PDE7B: variants seen among roughly 807,000 people sequenced by gnomAD.
PDE7B encodes 3',5'-cyclic-AMP phosphodiesterase 7B.
Under a neutral mutation model 56.2 loss-of-function variants are expected in PDE7B, and 29 were observed. That is an observed-to-expected ratio of 0.52 (90% confidence interval 0.38 to 0.70). The LOEUF (loss-of-function observed/expected upper bound fraction) is 0.70. PDE7B is among the 30% of genes least tolerant of loss of function. The pLI, the probability that PDE7B is intolerant of heterozygous loss-of-function variation, is 0.00. For missense variants in PDE7B, 490 were observed against 565.0 expected (o/e 0.87, Z 1.35); for synonymous variants, 197 against 196.9 (o/e 1.00, Z 0.00).
intron 2 of PDE7B, among the ~76,000 whole-genome samples, chr6:136,099,680 G>A (rs1777529178): frequency 6.6e-6 from 1 of 152,106 alleles, no homozygotes. Flanking sequence ...TTAGCCCTTT[G>A]TTAGATGGAT....
chr6:136,070,477 T>C (rs1375859460), intron 2 of PDE7B: 1 of 152,180 alleles, frequency 6.6e-6, no homozygotes, highest in African/African-American at 2.4e-5. Flanking sequence ...CATTCTCAAA[T>C]AATATTAGCA....
In PDE7B at chr6:136,086,913, C is replaced by T. The variant is rs567922533; in HGVS notation, c.83-21818C>T. Among the ~76,000 whole-genome samples, 102 of 152,314 alleles carry T rather than the reference C, an allele frequency of 6.7e-4. No individual in the cohort carries two copies. The South Asian group carries it at 0.02, about 29-fold the overall frequency. On this transcript the variant is annotated intron_variant, in intron 2 of 12. Transcript: ENST00000308191. ...GCTGTTATTCCCATTGGCACCAGAACGTGCCAATCACCACACAAACTGTGG... is the reference window on the plus strand; with the variant it reads ...GCTGTTATTCCCATTGGCACCAGAATGTGCCAATCACCACACAAACTGTGG...
chr6:136,069,636 T>G (rs976735374), intron 2 of PDE7B, among the ~76,000 whole-genome samples: 2 of 152,242 alleles, frequency 1.3e-5, no homozygotes, highest in African/African-American at 4.8e-5. Flanking sequence ...ACTAGGTCTT[T>G]TAAATGAGTC....
chr6:135,956,883 CGGAAGGAAGGAAGGAAA>C (rs946665955), intron 2 of PDE7B, among the ~76,000 whole-genome samples: 1 of 150,258 alleles, frequency 6.7e-6, no homozygotes, highest in Non-Finnish European at 1.5e-5. Flanking sequence ...GAAATAAAGA[CGGAAGGAAGGAAGGAAA>C]GGAAGGAAGG....
chr6:136,139,416 G>T (rs181991385), intron 3 of PDE7B, among the ~76,000 whole-genome samples: 6 of 152,246 alleles, frequency 3.9e-5, no homozygotes, highest in African/African-American at 1.4e-4. Flanking sequence ...TGTGAATAGT[G>T]CCTCAGTAAA....
chr6:136,134,312 TG>T (rs2128445040), intron 3 of PDE7B, among the ~76,000 whole-genome samples: 1 of 152,258 alleles, frequency 6.6e-6, no homozygotes, highest in East Asian at 1.9e-4. Flanking sequence ...AGACCACACT[TG>T]CTTTAAATGT....
At chr6:135,864,013 T>A (rs1037371589) in intron 1 of PDE7B, among the ~76,000 whole-genome samples, 1 of 152,090 alleles carries the variant, frequency 6.6e-6, no homozygotes, top group Non-Finnish European at 1.5e-5. Flanking sequence ...ATATTTCTTT[T>A]TCTCTCCTCA....
At chr6:135,906,720 T>C (rs1361912482) in intron 1 of PDE7B, among the ~76,000 whole-genome samples, 1 of 151,918 alleles carries the variant, frequency 6.6e-6, no homozygotes, top group Non-Finnish European at 1.5e-5. Flanking sequence ...AACGTACTTA[T>C]ATAGTGTCCT....
intron 3 of PDE7B, among the ~76,000 whole-genome samples, chr6:136,145,155 C>T (rs1483788549): frequency 1.3e-5 from 2 of 152,116 alleles, no homozygotes; most frequent in Non-Finnish European, 2.9e-5. Flanking sequence ...TCAGTTGGCA[C>T]ATTCTACAAG....
At chr6:136,191,535 GT>G in intron 12 of PDE7B, 78 bp from the exon 13 acceptor site, 1 of 1,197,376 alleles carries the variant, frequency 8.4e-7, no homozygotes. Context: ...GGCGTGGTGG[GT>G]CCCCAGTCAT....
intron 2 of PDE7B, among the ~76,000 whole-genome samples, chr6:136,017,571 A>G (rs1193985999): frequency 7.1e-6 from 1 of 139,990 alleles, no homozygotes; most frequent in Non-Finnish European, 1.5e-5. Flanking sequence ...ATTCCCACCT[A>G]TGAGTAAGAA....
chr6:136,116,869 G>A (rs1283532398), intron 3 of PDE7B, among the ~76,000 whole-genome samples: 2 of 152,122 alleles, frequency 1.3e-5, no homozygotes, highest in Non-Finnish European at 2.9e-5. Context: ...TTTATAATAA[G>A]CTTGATTTTG....
At chr6:135,945,944 G>A (rs925614375) in intron 1 of PDE7B, among the ~76,000 whole-genome samples, 3 of 152,098 alleles carry the variant, frequency 2.0e-5, no homozygotes, top group Non-Finnish European at 4.4e-5. Flanking sequence ...AAAACATTCA[G>A]AGAATAATTT....
At chr6:135,943,633 G>A (rs748321454) in intron 1 of PDE7B, among the ~76,000 whole-genome samples, 1 of 152,162 alleles carries the variant, frequency 6.6e-6, no homozygotes, top group African/African-American at 2.4e-5. Context: ...AGTACAATGC[G>A]AGTGTGAAAA....
At chr6:135,883,474 T>C (rs1203517263) in intron 1 of PDE7B, among the ~76,000 whole-genome samples, 1 of 152,222 alleles carries the variant, frequency 6.6e-6, no homozygotes, top group Non-Finnish European at 1.5e-5. Context: ...TAAATTTCTA[T>C]GAAAAGTAAT....
At chr6:135,937,160 G>A (rs1026515867) in intron 1 of PDE7B, among the ~76,000 whole-genome samples, 3 of 152,234 alleles carry the variant, frequency 2.0e-5, no homozygotes, top group Admixed American at 6.5e-5. Flanking sequence ...AGTGTGGTGA[G>A]GAGCGACATT....
At chr6:135,897,091 A>G (rs1408718622) in intron 1 of PDE7B, among the ~76,000 whole-genome samples, 1 of 152,174 alleles carries the variant, frequency 6.6e-6, no homozygotes, top group Non-Finnish European at 1.5e-5. Flanking sequence ...CACAATGATC[A>G]ACTTTAGGTG....
At chr6:136,039,699 G>T (rs1776383855) in intron 2 of PDE7B, among the ~76,000 whole-genome samples, 1 of 152,202 alleles carries the variant, frequency 6.6e-6, no homozygotes, top group Non-Finnish European at 1.5e-5. Context: ...ACATAGGAAA[G>T]TGAGGGAAAC....
chr6:135,889,672 C>T (rs1287107407), intron 1 of PDE7B, among the ~76,000 whole-genome samples: 2 of 145,914 alleles, frequency 1.4e-5, no homozygotes, highest in Non-Finnish European at 3.0e-5. Flanking sequence ...AACTCCTGAC[C>T]TCAGGTTATC....
Sources: gnomAD v4.1 joint callset for allele counts (sites outside exome capture counted in the v4.1 genomes callset) on GRCh38, gnomAD v4.1.1 for gene constraint, MANE v1.5 for transcripts, NCBI Gene and HGNC (gene_info 2026-07-23, HGNC 2026-07-21) for gene names.